The following IMPG2 variants were observed in gnomAD, a reference collection of about 807,000 sequenced individuals.
IMPG2 encodes the protein IPM 200.
Under a neutral mutation model 129.2 loss-of-function variants are expected in IMPG2, and 91 were observed. The observed-to-expected ratio is 0.70, with a 90% CI of 0.59 to 0.84. The LOEUF (loss-of-function observed/expected upper bound fraction) is 0.84. Among genes scored for constraint, IMPG2 ranks in the 40% least tolerant of loss-of-function variants. The pLI is 0.00. For synonymous variants in IMPG2, 510 were observed against 517.7 expected (o/e 0.99, Z 0.20); for missense variants, 1,430 against 1,461.7 (o/e 0.98, Z 0.35).
intron 9 of IMPG2, among the ~76,000 whole-genome samples, chr3:101,263,857 C>CAAAAAAAAAAAAAAAAAAAAAAAAA (rs769631265): frequency 1.6e-5 from 1 of 64,424 alleles, no homozygotes; most frequent in Non-Finnish European, 3.2e-5. Flanking sequence ...TCTACAGATT[C>CAAAAAAAAAAAAAAAAAAAAAAAAA]AAAAAAAAAA....
In IMPG2 at chr3:101,319,765, T is replaced by C. The variant is rs1221765447; in HGVS notation, c.153A>G (p.Glu51=). ...PKSAVSFLLP[E]ESTDLSLATK... ...TAGCTAGAGAAAGGTCTGTTGATTC[T>C]TCAGGCAGGAGAAAAGAAACTGCAC... The change falls in exon 2 of 19, where the codon GAA becomes GAG. Residue 51 remains glutamate (E), a synonymous_variant. Transcript: ENST00000193391. 2 of 1,613,632 alleles carry C rather than the reference T, an allele frequency of 1.2e-6. No individual in the cohort carries two copies. The highest frequency in any genetic ancestry group is 2.2e-5 in the South Asian group (2 of 91,084).
rs754467905 is a variant in IMPG2, at chr3:101,228,843, A to G, written c.3667T>C (p.Tyr1223His). The change falls in exon 18 of 19, where the codon TAT (tyrosine) becomes CAT (histidine). Residue 1223 changes from tyrosine (Y) to histidine (H), a missense_variant. Transcript: ENST00000193391. ...GCTGCAAACTCAGGATCATTGGCAT[A>G]CAGTTCCAAAACTCTCATTCTCTCT... ...IQERMRVLEL[Y>H]ANDPEFAAFV... is the part of the protein sequence containing the mutation. The G allele has an allele frequency of 5.0e-6, 8 of 1,613,980 alleles. No individual in the cohort carries two copies. The highest frequency in any genetic ancestry group is 6.8e-6 in the Non-Finnish European group (8 of 1,179,880).
At chr3:101,257,878 A>C in intron 9 of IMPG2, 105 bp from the exon 10 acceptor site, 4 of 1,280,974 alleles carry the variant, frequency 3.1e-6, no homozygotes, top group Non-Finnish European at 4.5e-6. Context: ...GGGAGTCTCA[A>C]AGAGCATGGA....
intron 4 of IMPG2, among the ~76,000 whole-genome samples, chr3:101,281,588 T>A (rs148629427): frequency 1.6e-4 from 24 of 152,290 alleles, no homozygotes; most frequent in African/African-American, 5.1e-4. Context: ...TACAGAGAAT[T>A]GTGATTGGCA....
chr3:101,253,673 T>G lies in IMPG2; in HGVS notation c.1239+23A>C, dbSNP rs572216851. 5.8e-6 allele frequency: 9 copies of G among 1,557,434 alleles called. No individual in the cohort carries two copies. The Admixed American group carries it at 1.5e-4, about 26-fold the overall frequency. On this transcript the variant is annotated intron_variant, in intron 11 of 18. Coordinates refer to ENST00000193391, the MANE Select transcript of IMPG2 (RefSeq NM_016247.4). ...GAAGAGAAGCTTGAGGGCCTGGTTC[T>G]AGCATAAAACATAAAAACATACCAG...
intron 7 of IMPG2, among the ~76,000 whole-genome samples, chr3:101,269,926 C>CTTTTTTTTTTTTTTTTTTTTTTT (rs5851267): frequency 9.3e-6 from 1 of 106,980 alleles, no homozygotes; most frequent in African/African-American, 3.4e-5. Flanking sequence ...TTATTTTATT[C>CTTTTTTTTTTTTTTTTTTTTTTT]TTTTTTTTTT....
chr3:101,274,171 G>T (rs113850388), intron 6 of IMPG2, among the ~76,000 whole-genome samples: 3 of 151,714 alleles, frequency 2.0e-5, no homozygotes, highest in Non-Finnish European at 2.9e-5. Context: ...CCTGGGTGAC[G>T]GAGCAATACT....
intron 10 of IMPG2, among the ~76,000 whole-genome samples, chr3:101,253,999 A>T (rs1460440713): frequency 6.6e-6 from 1 of 152,158 alleles, no homozygotes; most frequent in African/African-American, 2.4e-5. Context: ...TAAAATAAAG[A>T]TTCTTCCCAT....
At chr3:101,229,320 G>GCGCCC in intron 17 of IMPG2, 60 bp downstream of exon 17, 2 of 519,344 alleles carry the variant, frequency 3.9e-6, no homozygotes, top group Non-Finnish European at 3.0e-6. Flanking sequence ...ACCACCCCCT[G>GCGCCC]CTCCCCCACA....
chr3:101,260,221 C>T (rs1269256549), intron 9 of IMPG2, among the ~76,000 whole-genome samples: 1 of 152,052 alleles, frequency 6.6e-6, no homozygotes, highest in Non-Finnish European at 1.5e-5. Context: ...TGTTTTCCTC[C>T]CAGATATAAC....
At chr3:101,230,624 A>C (rs1038158240) in intron 16 of IMPG2, among the ~76,000 whole-genome samples, 1 of 152,186 alleles carries the variant, frequency 6.6e-6, no homozygotes, top group Non-Finnish European at 1.5e-5. Flanking sequence ...ATGCTCATTC[A>C]ACCAGCTAGA....
intron 3 of IMPG2, among the ~76,000 whole-genome samples, chr3:101,302,236 G>A (rs1368861226): frequency 6.6e-6 from 1 of 152,118 alleles, no homozygotes; most frequent in African/African-American, 2.4e-5. Flanking sequence ...TTTACTAAAA[G>A]TTCCACTTGT....
chr3:101,227,829 C>T (rs753346206), intron 18 of IMPG2: 3 of 456,246 alleles, frequency 6.6e-6, no homozygotes, highest in South Asian at 4.6e-5. Context: ...TTTGTCCCTT[C>T]TCTTACAGAG....
chr3:101,227,107 T>C (rs956499391), intron 18 of IMPG2, 126 bp from the exon 19 acceptor site: 3 of 1,133,378 alleles, frequency 2.6e-6, no homozygotes, highest in Admixed American at 2.1e-5. Flanking sequence ...TTTTCTTTAT[T>C]TGAAGGAAAG....
intron 9 of IMPG2, among the ~76,000 whole-genome samples, chr3:101,259,921 C>A (rs1706652153): frequency 6.6e-6 from 1 of 152,072 alleles, no homozygotes; most frequent in African/African-American, 2.4e-5. Context: ...AATGCATGAG[C>A]CAGTCAATGC....
intron 9 of IMPG2, among the ~76,000 whole-genome samples, chr3:101,261,788 A>G (rs781495617): frequency 2.0e-5 from 3 of 152,128 alleles, no homozygotes; most frequent in Admixed American, 2.0e-4. Context: ...GAGGTACAGA[A>G]TAAAAGAAAA....
intron 11 of IMPG2, among the ~76,000 whole-genome samples, chr3:101,252,683 CTAATATGTA>C (rs1706557151): frequency 6.6e-6 from 1 of 152,126 alleles, no homozygotes; most frequent in Admixed American, 6.5e-5. Context: ...CCTATTTTGT[CTAATATGTA>C]ACTCAGTGAA....
At chr3:101,247,741 G>A (rs528593731) in intron 11 of IMPG2, among the ~76,000 whole-genome samples, 1 of 152,312 alleles carries the variant, frequency 6.6e-6, no homozygotes, top group Non-Finnish European at 1.5e-5. Context: ...TTCCCTAGTA[G>A]AGGAAATGGT....
At chr3:101,236,937 C>T (rs1164948341) in intron 14 of IMPG2, among the ~76,000 whole-genome samples, 5 of 152,192 alleles carry the variant, frequency 3.3e-5, no homozygotes. Context: ...ATCCCACCCC[C>T]ACGGAGCACA....
Sources: gnomAD v4.1 joint callset for allele counts (sites outside exome capture counted in the v4.1 genomes callset) on GRCh38, gnomAD v4.1.1 for gene constraint, MANE v1.5 for transcripts, NCBI Gene and HGNC (gene_info 2026-07-23, HGNC 2026-07-21) for gene names.